NLGN1: variants seen among roughly 807,000 people sequenced by gnomAD.
NLGN1 encodes the protein neuroligin 1.
In NLGN1, 12 loss-of-function variants were observed where a neutral mutation model predicts 65.5. The ratio of observed to expected loss-of-function variants is 0.18; its 90% CI spans 0.12 to 0.30. The LOEUF (loss-of-function observed/expected upper bound fraction) is 0.30. NLGN1 is among the 10% of genes least tolerant of loss of function. The pLI is 1.00. For missense variants in NLGN1, 750 were observed against 1,007.1 expected (o/e 0.74, Z 3.46); for synonymous variants, 350 against 359.5 (o/e 0.97, Z 0.30).
intron 4 of NLGN1, among the ~76,000 whole-genome samples, chr3:174,179,259 T>C (rs1252654391): frequency 6.6e-6 from 1 of 152,060 alleles, no homozygotes; most frequent in Non-Finnish European, 1.5e-5. Context: ...ATTATCTTGA[T>C]TTAAAAAAAA....
chr3:173,700,628 C>A (rs947226227), intron 3 of NLGN1, among the ~76,000 whole-genome samples: 2 of 152,182 alleles, frequency 1.3e-5, no homozygotes, highest in African/African-American at 4.8e-5. Flanking sequence ...CATCTTTAGG[C>A]AGAAACCTGC....
intron 4 of NLGN1, among the ~76,000 whole-genome samples, chr3:174,039,552 T>G (rs1731849536): frequency 6.6e-6 from 1 of 152,206 alleles, no homozygotes; most frequent in Non-Finnish European, 1.5e-5. Flanking sequence ...ATGTTTTCAT[T>G]GGCTCTCCAT....
At chr3:174,245,700 T>A (rs1015831211) in intron 4 of NLGN1, among the ~76,000 whole-genome samples, 2 of 152,216 alleles carry the variant, frequency 1.3e-5, no homozygotes, top group Admixed American at 6.5e-5. Context: ...ATAGATTATA[T>A]ATAACTGGAG....
chr3:173,937,266 C>A (rs932993417), intron 4 of NLGN1, among the ~76,000 whole-genome samples: 2 of 151,884 alleles, frequency 1.3e-5, no homozygotes, highest in African/African-American at 4.8e-5. Flanking sequence ...TGCATAGGTA[C>A]TTTTTTTTCT....
At chr3:173,971,794 A>G (rs73042104) in intron 4 of NLGN1, among the ~76,000 whole-genome samples, 173 of 152,196 alleles carry the variant, frequency 1.1e-3, no homozygotes, top group African/African-American at 4.0e-3. Flanking sequence ...ACTTTCTAGA[A>G]TGTGTCAGGG....
rs529577967 is a variant in NLGN1, at chr3:173,874,192, T to G, written c.646+66360T>G. ...CTATCAGACTAATACAGTGACTCTC[T>G]TTTCATATTGGGCAGTCAAGAGACT... On this transcript the variant is annotated intron_variant, in intron 4 of 6. Transcript: ENST00000457714. 2.2e-4 allele frequency among the ~76,000 whole-genome samples: 33 copies of G among 152,330 alleles called. No individual in the cohort carries two copies. The South Asian group carries it at 6.6e-3, about 31-fold the overall frequency.
chr3:173,469,423 A>C (rs916950876), intron 2 of NLGN1, among the ~76,000 whole-genome samples: 1 of 152,038 alleles, frequency 6.6e-6, no homozygotes, highest in African/African-American at 2.4e-5. Flanking sequence ...AATAGTTCCT[A>C]AGGAAGCAGT....
intron 4 of NLGN1, among the ~76,000 whole-genome samples, chr3:174,129,997 T>C (rs1393382424): frequency 3.9e-5 from 6 of 152,238 alleles, no homozygotes; most frequent in Non-Finnish European, 8.8e-5. Context: ...CTGTTGCTAG[T>C]TTGCAGAATG....
chr3:174,054,188 A>T (rs530477889), intron 4 of NLGN1, among the ~76,000 whole-genome samples: 1 of 152,184 alleles, frequency 6.6e-6, no homozygotes, highest in Admixed American at 6.6e-5. Context: ...GATTTGGTCT[A>T]ATTTATGGCT....
chr3:173,680,947 G>T (rs748180798), intron 3 of NLGN1, among the ~76,000 whole-genome samples: 1 of 151,976 alleles, frequency 6.6e-6, no homozygotes, highest in East Asian at 1.9e-4. Flanking sequence ...TCTGCTTCAG[G>T]CTACATTTTT....
At chr3:173,875,644 T>G (rs1731977104) in intron 4 of NLGN1, among the ~76,000 whole-genome samples, 1 of 152,166 alleles carries the variant, frequency 6.6e-6, no homozygotes, top group South Asian at 2.1e-4. Flanking sequence ...AATGAGAAAA[T>G]ATTATGATTT....
chr3:173,777,741 T>G (rs1454578079), intron 3 of NLGN1, among the ~76,000 whole-genome samples: 1 of 151,768 alleles, frequency 6.6e-6, no homozygotes, highest in East Asian at 1.9e-4. Flanking sequence ...ATATCTTGCT[T>G]GTTGTGAATA....
Position 173,791,573 on chromosome 3 carries a change from A to G in NLGN1, c.494-16107A>G, listed in dbSNP as rs78717439. On this transcript the variant is annotated intron_variant, in intron 3 of 6. Transcript: ENST00000457714. ...TCAATAAATATTTTTCTTTATTTTAATTTAAATTTCAATTGCATCTAGATG... is the reference window on the plus strand; with the variant it reads ...TCAATAAATATTTTTCTTTATTTTAGTTTAAATTTCAATTGCATCTAGATG... 7.4e-3 allele frequency among the ~76,000 whole-genome samples: 1,089 copies of G among 146,926 alleles called. 19 individuals carry two copies. Among genetic ancestry groups the G allele is most frequent in the African/African-American group, 0.025 (982 of 39,806 alleles).
At chr3:173,984,123 G>A (rs141212506) in intron 4 of NLGN1, among the ~76,000 whole-genome samples, 56 of 152,258 alleles carry the variant, frequency 3.7e-4, no homozygotes, top group African/African-American at 1.1e-3. Context: ...GCTCTTCTCC[G>A]AGGCAAATCA....
intron 3 of NLGN1, among the ~76,000 whole-genome samples, chr3:173,647,557 A>G (rs966695044): frequency 6.6e-6 from 1 of 152,160 alleles, no homozygotes; most frequent in African/African-American, 2.4e-5. Context: ...GAAAATTCCC[A>G]AATATTTGAA....
Position 174,138,205 on chromosome 3 carries a change from G to A in NLGN1, c.647-137110G>A, listed in dbSNP as rs112539411. On this transcript the variant is annotated intron_variant, in intron 4 of 6. Transcript: ENST00000457714. ...AATTTACCCGCATACTATATATATA[G>A]CAGTTATTTGAAATTTGGCATAGAA... Among the ~76,000 whole-genome samples the A allele has an allele frequency of 3.2e-3, 481 of 152,084 alleles. 3 individuals carry two copies. The highest frequency in any genetic ancestry group is 0.011 in the African/African-American group (457 of 41,476).
At chr3:173,413,171 A>G (rs1712952937) in intron 1 of NLGN1, among the ~76,000 whole-genome samples, 1 of 152,028 alleles carries the variant, frequency 6.6e-6, no homozygotes, top group Non-Finnish European at 1.5e-5. Flanking sequence ...GAAGTCGGGG[A>G]TGCAATGTGA....
intron 4 of NLGN1, among the ~76,000 whole-genome samples, chr3:173,811,523 C>A (rs1048562850): frequency 1.4e-5 from 2 of 144,810 alleles, no homozygotes; most frequent in Admixed American, 7.1e-5. Flanking sequence ...GCTGAGATTG[C>A]GCCATTACAC....
At chr3:173,626,685 C>G (rs1754872711) in intron 3 of NLGN1, among the ~76,000 whole-genome samples, 1 of 151,982 alleles carries the variant, frequency 6.6e-6, no homozygotes, top group African/African-American at 2.4e-5. Flanking sequence ...CAGTGTGGGC[C>G]ACATACCTAG....
Sources: gnomAD v4.1 joint callset for allele counts (sites outside exome capture counted in the v4.1 genomes callset) on GRCh38, gnomAD v4.1.1 for gene constraint, MANE v1.5 for transcripts, NCBI Gene and HGNC (gene_info 2026-07-23, HGNC 2026-07-21) for gene names.